The following PRAMEF19 variants were observed in gnomAD, a reference collection of about 807,000 sequenced individuals.
The protein encoded by PRAMEF19 is PRAME family member-like.
A neutral mutation model predicts 33.1 loss-of-function variants in PRAMEF19; 21 were observed. That is an observed-to-expected ratio of 0.63 (90% CI 0.45 to 0.91). The LOEUF is 0.91. PRAMEF19 is among the 40% of genes least tolerant of loss of function. The probability of loss-of-function intolerance (pLI) is 0.00; values close to 1 mark genes in which losing one functional copy is unlikely to be tolerated. For missense variants in PRAMEF19, 481 were observed against 585.2 expected, an observed-to-expected ratio of 0.82 and a Z score of 1.84; for synonymous variants, 179 against 229.3, an observed-to-expected ratio of 0.78 and a Z score of 1.98.
chr1:13,371,842 T>G, exon 1 of PRAMEF19: 1 of 1,611,848 alleles, frequency 6.2e-7, no homozygotes, highest in Non-Finnish European at 8.5e-7. Context: ...CAAGGCCTGG[T>G]CCCTCAGCAG....
chr1:13,368,930 T>C (rs1195150462), downstream of PRAMEF19: 1 of 1,350,922 alleles, frequency 7.4e-7, no homozygotes, highest in African/African-American at 1.5e-5. Context: ...CTGGACAACA[T>C]AGGGAAACCC....
chr1:13,371,502 G>A, intron 1 of PRAMEF19, 112 bp downstream of exon 1: 1 of 1,506,332 alleles, frequency 6.6e-7, no homozygotes. Context: ...AACGTTCCCA[G>A]CTTTCTCACT....
chr1:13,371,346 C>CG lies in PRAMEF19; in HGVS notation c.288-120_288-119insC, dbSNP rs1173138006. On this transcript the variant is annotated intron_variant, in intron 1 of 2. Transcript: ENST00000376101. ...TTCCTCAGCGCCCCTCCTTCTGTCT[C>CG]TTCTCCATCCCTTTCCCCCTTGGAT... 3.2e-6 allele frequency: 5 copies of CG among 1,566,332 alleles called. No individual in the cohort carries two copies. In the East Asian group the frequency reaches 1.1e-4, roughly 35 times the overall value.
exon 2 of PRAMEF19, chr1:13,370,836 A>G (rs1640662549): frequency 2.5e-6 from 4 of 1,613,842 alleles, no homozygotes; most frequent in African/African-American, 1.3e-5. Context: ...TGGCTCAGGT[A>G]ACGGCTAACC....
rs1189229723 is a variant in PRAMEF19, at chr1:13,370,937, A to G, written c.578T>C (p.Leu193Pro). The change falls in exon 2 of 3, where the codon CTA becomes CCA. Residue 193 changes from leucine to proline, a missense_variant. Leu to Pro is a moderately conservative substitution (Grantham distance 98, BLOSUM62 -3). Around this residue, in one of 3 missense-constraint regions of PRAMEF19, gnomAD observed 392 missense variants for 397.5 expected, o/e 0.99. Coordinates refer to ENST00000376101, the Ensembl canonical transcript of PRAMEF19. ...TGTTTCTAATATGTTTCTGAAATTT[A>G]GAATGTTCATTGAATAATTTACCAC... 2.1e-5 allele frequency: 34 copies of G among 1,613,716 alleles called. No homozygotes were observed. The African/African-American group carries it at 4.4e-4, about 21-fold the overall frequency.
chr1:13,369,163 G>A (rs748005551), exon 3 of PRAMEF19: 1 of 1,604,186 alleles, frequency 6.2e-7, no homozygotes, highest in East Asian at 2.2e-5. Flanking sequence ...AGAAGATCCT[G>A]TTGGGCTCCC....
intron 2 of PRAMEF19, 150 bp from the exon 3 acceptor site, chr1:13,369,790 G>A: frequency 9.1e-7 from 1 of 1,103,374 alleles, no homozygotes; most frequent in South Asian, 1.5e-5. Flanking sequence ...TGCCTGATGA[G>A]GACTTGGATC....
chr1:13,369,141 A>AT lies in PRAMEF19; in HGVS notation c.1365_1366insA (p.Ser456IlefsTer11), dbSNP rs1640635809. 1 of 1,611,902 alleles carries AT rather than the reference A, an allele frequency of 6.2e-7. No homozygotes were observed. The highest frequency in any genetic ancestry group is 1.3e-5 in the African/African-American group (1 of 74,852). On this transcript the variant is annotated frameshift_variant, in exon 3 of 3. Coordinates refer to ENST00000376101, the Ensembl canonical transcript of PRAMEF19. LOFTEE classifies it low-confidence loss of function (END_TRUNC). ...GGTGACATGCCACAGCAAGGGCAGGAGACGGGACCAAAGAAGATCCTGTTG... is the reference window on the plus strand; with the variant it reads ...GGTGACATGCCACAGCAAGGGCAGGATGACGGGACCAAAGAAGATCCTGTTG...
chr1:13,371,821 A>G, exon 1 of PRAMEF19: 1 of 1,611,898 alleles, frequency 6.2e-7, no homozygotes, highest in East Asian at 2.2e-5. Context: ...CTCATCCAGG[A>G]CGGAGATGGC....
chr1:13,370,617 TC>T (rs1640658118), intron 2 of PRAMEF19, 31 bp downstream of exon 2: 1 of 1,613,128 alleles, frequency 6.2e-7, no homozygotes, highest in South Asian at 1.1e-5. Flanking sequence ...CTGTGCTGTG[TC>T]CCCCAGAGAA....
intron 1 of PRAMEF19, 28 bp downstream of exon 1, chr1:13,371,586 T>G: frequency 6.2e-7 from 1 of 1,610,864 alleles, no homozygotes; most frequent in Non-Finnish European, 8.5e-7. Flanking sequence ...CCTGGACACC[T>G]GGGCCCTCCC....
exon 3 of PRAMEF19, chr1:13,369,337 G>C (rs1640640183): frequency 1.1e-5 from 17 of 1,612,090 alleles, no homozygotes; most frequent in Non-Finnish European, 1.4e-5. Flanking sequence ...GACCATCCAT[G>C]GACGTGTCAT....
intron 2 of PRAMEF19, 81 bp downstream of exon 2, chr1:13,370,568 C>G: frequency 6.4e-7 from 1 of 1,569,446 alleles, no homozygotes; most frequent in Non-Finnish European, 8.7e-7. Flanking sequence ...GGCTGGCACA[C>G]AGTAGATGCT....
exon 1 of PRAMEF19, chr1:13,371,684 G>A: frequency 3.1e-6 from 5 of 1,610,316 alleles, no homozygotes; most frequent in Non-Finnish European, 4.2e-6. Flanking sequence ...TCCAGATCAG[G>A]CGTCTTCATC....
chr1:13,368,696 CCT>C (rs1160414324), downstream of PRAMEF19, among the ~76,000 whole-genome samples: 1 of 152,220 alleles, frequency 6.6e-6, no homozygotes, highest in African/African-American at 2.4e-5. Flanking sequence ...GACACAGATC[CCT>C]GAGTCTCAGT....
chr1:13,369,523 A>T, exon 3 of PRAMEF19: 1 of 1,613,842 alleles, frequency 6.2e-7, no homozygotes, highest in South Asian at 1.1e-5. Context: ...GTGTACCATG[A>T]CTCAGATTCA....
exon 3 of PRAMEF19, chr1:13,369,192 G>C: frequency 6.2e-7 from 1 of 1,611,960 alleles, no homozygotes; most frequent in South Asian, 1.1e-5. Flanking sequence ...CTCAGTATAC[G>C]CATCAGCTCA....
At chr1:13,369,031 G>A (rs1640633900), downstream of PRAMEF19, 1 of 1,611,472 alleles carries the variant, frequency 6.2e-7, no homozygotes, top group Non-Finnish European at 8.5e-7. Flanking sequence ...TAGTTTCCAA[G>A]TGCCTGGAGA....
downstream of PRAMEF19, among the ~76,000 whole-genome samples, chr1:13,368,801 G>T (rs1401116437): frequency 3.9e-5 from 6 of 152,154 alleles, no homozygotes; most frequent in East Asian, 9.7e-4. Context: ...TGAAACAGAG[G>T]TTTCTCTGCT....
Sources: allele counts gnomAD v4.1 joint callset (sites outside exome capture counted in the v4.1 genomes callset), GRCh38; gene constraint gnomAD v4.1.1; regional missense constraint gnomAD v4.1.1; transcripts MANE v1.5; gene names NCBI Gene and HGNC (gene_info 2026-07-23, HGNC 2026-07-21).